The following ACBD6 variants were observed in gnomAD, a reference collection of about 807,000 sequenced individuals.
The protein encoded by ACBD6 is acyl-CoA binding domain containing 6.
A neutral mutation model predicts 37.2 loss-of-function variants in ACBD6; 28 were observed. The observed-to-expected ratio is 0.75, with a 90% CI of 0.56 to 1.03. The LOEUF (loss-of-function observed/expected upper bound fraction) is 1.03, where lower values mean the gene tolerates loss of function less well. Among genes scored for constraint, ACBD6 ranks in the 50% least tolerant of loss-of-function variants. ACBD6 has a pLI of 0.00. For missense variants in ACBD6, 340 were observed against 337.4 expected, an observed-to-expected ratio of 1.01 and a Z score of -0.06; for synonymous variants, 113 against 126.8, an observed-to-expected ratio of 0.89 and a Z score of 0.73.
At chr1:180,431,210 A>C (rs1648801435) in intron 3 of ACBD6, among the ~76,000 whole-genome samples, 1 of 151,968 alleles carries the variant, frequency 6.6e-6, no homozygotes, top group Non-Finnish European at 1.5e-5. Context: ...CTGAGGAAAA[A>C]GACCCCCTTC....
rs562379976 is a variant in ACBD6 at position 180,473,952 on chromosome 1, G to GTA, written c.384+18315_384+18316dup. On this transcript the variant is annotated intron_variant, in intron 3 of 7. Coordinates refer to ENST00000367595, the MANE Select transcript of ACBD6 (RefSeq NM_032360.4). ...AAAAGTAACGTCCATATTAACACCT[G>GTA]TATATATATGTACATACATACACAC... is the stretch of plus-strand genomic sequence containing the variant. Among the ~76,000 whole-genome samples, 904 of 152,100 alleles carry GTA rather than the reference G, an allele frequency of 5.9e-3. 4 individuals carry two copies. The highest frequency in any genetic ancestry group is 0.014 in the Middle Eastern group (4 of 294).
At chr1:180,322,091 A>C (rs1312512266) in intron 6 of ACBD6, among the ~76,000 whole-genome samples, 4 of 152,158 alleles carry the variant, frequency 2.6e-5, no homozygotes, top group African/African-American at 4.8e-5. Flanking sequence ...ATTTTATCAA[A>C]TACTTTTTCA....
chr1:180,457,446 C>A (rs1571536791), intron 3 of ACBD6, among the ~76,000 whole-genome samples: 1 of 151,576 alleles, frequency 6.6e-6, no homozygotes, highest in East Asian at 2.0e-4. Flanking sequence ...CGGGGAGAAA[C>A]GTCTCTCTTA....
intron 3 of ACBD6, chr1:180,435,258 T>A (rs773074210): frequency 4.9e-6 from 3 of 615,510 alleles, no homozygotes; most frequent in Non-Finnish European, 9.3e-6. Context: ...CCAGATGCAT[T>A]TTTTTTTTGA....
chr1:180,375,323 A>G (rs1424931393), intron 6 of ACBD6, among the ~76,000 whole-genome samples: 3 of 152,128 alleles, frequency 2.0e-5, no homozygotes, highest in Non-Finnish European at 4.4e-5. Context: ...ATCTCAAATC[A>G]TGAGGGAACA....
intron 6 of ACBD6, among the ~76,000 whole-genome samples, chr1:180,378,789 T>C (rs534717298): frequency 1.3e-5 from 2 of 151,976 alleles, no homozygotes; most frequent in African/African-American, 4.8e-5. Flanking sequence ...CCCCCCAGCA[T>C]GTGCTACCTG....
chr1:180,274,186 G>T (rs1353953257), intron 10 of ACBD6: 9 of 1,614,202 alleles, frequency 5.6e-6, no homozygotes, highest in South Asian at 1.1e-5. Context: ...TGTCCACAGA[G>T]GATCAAATTC....
rs747868400 is a variant in ACBD6, at chr1:180,502,465, C to T, written c.-199G>A. Reference sequence around the variant, plus strand: ...CCCTGGGCGTGCAGAGCAGGCTCCTCGACCCTCTGCCGCTCTGCCCAGTCG... The same window carrying T: ...CCCTGGGCGTGCAGAGCAGGCTCCTTGACCCTCTGCCGCTCTGCCCAGTCG... On this transcript the variant is annotated 5_prime_UTR_variant, in exon 1 of 8. Coordinates refer to ENST00000367595, the MANE Select transcript of ACBD6 (RefSeq NM_032360.4). 110 of 633,048 alleles carry T rather than the reference C, an allele frequency of 1.7e-4. No individual in the cohort carries two copies. Among genetic ancestry groups the T allele is most frequent in the Non-Finnish European group, 2.8e-4 (100 of 356,108 alleles). The allele number at this position is 633,048 out of a possible 1,614,324, so 39.2% of individuals were successfully genotyped here. A position where few individuals can be genotyped will look rare whatever the true frequency, so the allele number is the denominator to read the frequency against.
chr1:180,492,511 T>C (rs924737486), intron 2 of ACBD6, 146 bp from the exon 3 acceptor site: 1 of 705,066 alleles, frequency 1.4e-6, no homozygotes, highest in African/African-American at 1.8e-5. Flanking sequence ...TCTGTCTTTT[T>C]GCATTTACAT....
chr1:180,492,211 A>G, intron 3 of ACBD6, 58 bp downstream of exon 3: 1 of 1,278,572 alleles, frequency 7.8e-7, no homozygotes, highest in South Asian at 1.2e-5. Context: ...TTAGACATTT[A>G]TTTCAGAGAA....
chr1:180,320,400 C>G (rs556555382), intron 6 of ACBD6, among the ~76,000 whole-genome samples: 1 of 152,302 alleles, frequency 6.6e-6, no homozygotes, highest in East Asian at 1.9e-4. Flanking sequence ...CTTTGGGAGG[C>G]TGAGGCAGAT....
Position 180,384,001 on chromosome 1 carries a change from C to A in ACBD6, c.663+13515G>T, listed in dbSNP as rs58565991. Among the ~76,000 whole-genome samples, 1,013 of 151,944 alleles carry A rather than the reference C, an allele frequency of 6.7e-3. 16 individuals carry two copies. The highest frequency in any genetic ancestry group is 0.023 in the African/African-American group (967 of 41,430). Reference sequence around the variant, plus strand: ...GAATAAACTGGATCCCCATCTCTCACCATATATAAAAATCAACTCAAGATG... The same window carrying A: ...GAATAAACTGGATCCCCATCTCTCAACATATATAAAAATCAACTCAAGATG... On this transcript the variant is annotated intron_variant, in intron 6 of 7. Transcript: ENST00000367595.
intron 1 of ACBD6, among the ~76,000 whole-genome samples, chr1:180,498,894 G>A (rs1243012284): frequency 6.6e-6 from 1 of 151,548 alleles, no homozygotes; most frequent in Non-Finnish European, 1.5e-5. Flanking sequence ...AGTATCTTAT[G>A]AAGTCAACAG....
In ACBD6 at chr1:180,464,373, T is replaced by C. The variant is rs1021717619; in HGVS notation, c.384+27896A>G. Among the ~76,000 whole-genome samples, 4 of 152,004 alleles carry C rather than the reference T, an allele frequency of 2.6e-5. 1 individual carries two copies. Among genetic ancestry groups the C allele is most frequent in the African/African-American group, 9.7e-5 (4 of 41,394 alleles). On this transcript the variant is annotated intron_variant, in intron 3 of 7. Transcript: ENST00000367595. ...TACAAAATCAATGTACAAAAATCAC[T>C]AGCTTTCCTATACACCACCACCAAC... is the stretch of plus-strand genomic sequence containing the variant.
intron 2 of ACBD6, among the ~76,000 whole-genome samples, chr1:180,494,269 A>G (rs1415969774): frequency 6.6e-6 from 1 of 152,208 alleles, no homozygotes; most frequent in Non-Finnish European, 1.5e-5. Context: ...TATAAAATCT[A>G]AATTTTTTAA....
chr1:180,303,771 C>A (rs1365529231), intron 7 of ACBD6, among the ~76,000 whole-genome samples: 1 of 150,766 alleles, frequency 6.6e-6, no homozygotes, highest in East Asian at 1.9e-4. Flanking sequence ...CCAGCATCAT[C>A]CTGTTACCAA....
intron 3 of ACBD6, among the ~76,000 whole-genome samples, chr1:180,433,394 C>T (rs1648886150): frequency 6.6e-6 from 1 of 152,096 alleles, no homozygotes; most frequent in African/African-American, 2.4e-5. Flanking sequence ...ACTACCTCAA[C>T]ACAATAAAGG....
intron 1 of ACBD6, among the ~76,000 whole-genome samples, chr1:180,497,723 T>A (rs1159158967): frequency 1.3e-5 from 2 of 152,234 alleles, no homozygotes; most frequent in African/African-American, 4.8e-5. Context: ...TTAATTTTTT[T>A]AATGTCTCGC....
In ACBD6 at chr1:180,410,236, T is replaced by C. The variant is rs562543964; in HGVS notation, c.573+3130A>G. On this transcript the variant is annotated intron_variant, in intron 5 of 7. Transcript: ENST00000367595. ...AGAGGCCATCTCCATAACATAAAAG[T>C]ACAAGGTGAAGCACCAAGTGCTGAT... Among the ~76,000 whole-genome samples the C allele has an allele frequency of 5.9e-5, 9 of 152,330 alleles. 1 individual carries two copies. The South Asian group carries it at 1.9e-3, about 32-fold the overall frequency.
Sources: gnomAD v4.1 joint callset for allele counts (sites outside exome capture counted in the v4.1 genomes callset) on GRCh38, gnomAD v4.1.1 for gene constraint, MANE v1.5 for transcripts, NCBI Gene and HGNC (gene_info 2026-07-23, HGNC 2026-07-21) for gene names.